IFT56: variants seen among roughly 807,000 people sequenced by gnomAD.
IFT56 encodes intraflagellar transport protein 56.
chr7:139,133,845 G>C, the IFT56 span: 3 of 1,614,264 alleles, frequency 1.9e-6, no homozygotes. Context: ...GGACTCACAA[G>C]ACCGACGTCA....
At chr7:139,168,969 G>C in the IFT56 span, among the ~76,000 whole-genome samples, 1 of 152,244 alleles carries the variant, frequency 6.6e-6, no homozygotes, top group African/African-American at 2.4e-5. Context: ...AATACTCCTT[G>C]TTATATCTAC....
At chr7:139,141,971 A>G in the IFT56 span, among the ~76,000 whole-genome samples, 1 of 152,248 alleles carries the variant, frequency 6.6e-6, no homozygotes, top group South Asian at 2.1e-4. Flanking sequence ...GTGGGCTGCT[A>G]CTACAACCAT....
the IFT56 span, among the ~76,000 whole-genome samples, chr7:139,147,663 A>G: frequency 6.6e-6 from 1 of 152,196 alleles, no homozygotes; most frequent in Non-Finnish European, 1.5e-5. Context: ...TAATACTGAT[A>G]TTACCCCAGT....
the IFT56 span, among the ~76,000 whole-genome samples, chr7:139,148,885 A>G: frequency 6.6e-6 from 1 of 152,052 alleles, no homozygotes; most frequent in South Asian, 2.1e-4. Context: ...TAGGTGACAG[A>G]GCGAGACTCT....
the IFT56 span, among the ~76,000 whole-genome samples, chr7:139,187,951 T>C: frequency 6.6e-6 from 1 of 151,994 alleles, no homozygotes; most frequent in Admixed American, 6.6e-5. Flanking sequence ...TGCTTTAGTT[T>C]AGGTCTCAAA....
chr7:139,147,067 C>T, the IFT56 span: 1 of 1,590,616 alleles, frequency 6.3e-7, no homozygotes, highest in East Asian at 2.3e-5. Context: ...GAGTTAAAAT[C>T]TCTATCACAT....
At chr7:139,140,174 A>G in the IFT56 span, among the ~76,000 whole-genome samples, 4 of 152,018 alleles carry the variant, frequency 2.6e-5, no homozygotes, top group African/African-American at 7.3e-5. Flanking sequence ...AACTATGTTT[A>G]AAGAGAGAGT....
the IFT56 span, chr7:139,190,648 A>C: frequency 2.0e-5 from 3 of 152,182 alleles, no homozygotes; most frequent in South Asian, 4.1e-4. Context: ...CCTTTGAGGG[A>C]ATCTCCTAAT....
chr7:139,164,683 C>CG, the IFT56 span, among the ~76,000 whole-genome samples: 2 of 151,954 alleles, frequency 1.3e-5, no homozygotes, highest in Admixed American at 1.3e-4. Flanking sequence ...TCGCAGTTCT[C>CG]GGGGCTAGGA....
chr7:139,191,502 T>C, the IFT56 span: 3 of 152,346 alleles, frequency 2.0e-5, no homozygotes, highest in South Asian at 4.1e-4. Context: ...AAAAAGCTTT[T>C]CCATTGATGG....
At chr7:139,186,522 A>C in the IFT56 span, among the ~76,000 whole-genome samples, 1 of 152,196 alleles carries the variant, frequency 6.6e-6, no homozygotes, top group Non-Finnish European at 1.5e-5. Flanking sequence ...GGCCAAGGAA[A>C]TGTGTAGTAC....
At chr7:139,144,184 G>A in the IFT56 span, among the ~76,000 whole-genome samples, 1 of 152,056 alleles carries the variant, frequency 6.6e-6, no homozygotes, top group Non-Finnish European at 1.5e-5. Context: ...CTTTAGTGGT[G>A]ATGAATTCTC....
At chr7:139,174,862 A>G in the IFT56 span, among the ~76,000 whole-genome samples, 1 of 151,974 alleles carries the variant, frequency 6.6e-6, no homozygotes, top group African/African-American at 2.4e-5. Context: ...CTCTACTAAA[A>G]ATGCAAAAAA....
the IFT56 span, among the ~76,000 whole-genome samples, chr7:139,163,160 C>G: frequency 6.6e-6 from 1 of 151,714 alleles, no homozygotes; most frequent in Non-Finnish European, 1.5e-5. Flanking sequence ...CTGATTAACA[C>G]GGTGAAACCC....
the IFT56 span, chr7:139,173,003 C>G: frequency 5.5e-6 from 4 of 726,702 alleles, no homozygotes; most frequent in South Asian, 4.1e-5. Flanking sequence ...GAAAGTCTGT[C>G]ACAGTTGGTG....
At chr7:139,186,448 AT>A in the IFT56 span, among the ~76,000 whole-genome samples, 1 of 151,718 alleles carries the variant, frequency 6.6e-6, no homozygotes, top group African/African-American at 2.4e-5. Context: ...AAGAATAAAA[AT>A]TTTTTTTAAA....
chr7:139,140,483 G>A, the IFT56 span, among the ~76,000 whole-genome samples: 1 of 152,034 alleles, frequency 6.6e-6, no homozygotes, highest in Non-Finnish European at 1.5e-5. Context: ...AAACATGGTA[G>A]AAAAAGTTAA....
chr7:139,183,333 A>G, the IFT56 span, among the ~76,000 whole-genome samples: 2 of 152,332 alleles, frequency 1.3e-5, no homozygotes, highest in Non-Finnish European at 1.5e-5. Flanking sequence ...AGTTATACTC[A>G]TGGCTAAAAT....
At chr7:139,139,396 G>A in the IFT56 span, among the ~76,000 whole-genome samples, 12 of 152,236 alleles carry the variant, frequency 7.9e-5, no homozygotes, top group Admixed American at 5.2e-4. Context: ...GGAAAATGTC[G>A]TTAACAAAGT....
Sources: allele counts gnomAD v4.1 joint callset (sites outside exome capture counted in the v4.1 genomes callset), GRCh38; gene constraint gnomAD v4.1.1; transcripts MANE v1.5; gene names NCBI Gene and HGNC (gene_info 2026-07-23, HGNC 2026-07-21).